The following EPN1 variants were observed in gnomAD, a reference collection of about 807,000 sequenced individuals.
The protein encoded by EPN1 is epsin 1.
EPN1 carries 25 observed loss-of-function variants against 56.9 expected under a neutral mutation model. The observed-to-expected ratio is 0.44, with a 90% CI of 0.32 to 0.61. The LOEUF (loss-of-function observed/expected upper bound fraction) is 0.61. Ranked by LOEUF, EPN1 falls within the 20% of genes least tolerant of loss-of-function variation. The probability of loss-of-function intolerance (pLI) is 0.05; values close to 1 mark genes in which losing one functional copy is unlikely to be tolerated. For missense variants in EPN1, 785 were observed against 823.7 expected (o/e 0.95, Z 0.58); for synonymous variants, 411 against 361.8 (o/e 1.14, Z -1.54).
In EPN1 at chr19:55,696,339, G is replaced by A. The variant is rs1053950252; in HGVS notation, c.*983G>A. The A allele has an allele frequency of 2.0e-5, 3 of 152,392 alleles. No homozygotes were observed. The highest frequency in any genetic ancestry group is 4.4e-5 in the Non-Finnish European group (3 of 68,210). The allele number at this position is 152,392 out of a possible 1,614,324, so 9.4% of individuals were successfully genotyped here. On this transcript the variant is annotated 3_prime_UTR_variant, in exon 11 of 11. Transcript: ENST00000270460. ...AGAATCCTCGGGCCGCCTTGTGAGG[G>A]GGGTGTTGCTGTCATCTCCAGGGCT...
Position 55,708,906 on chromosome 19 carries a change from T to G in EPN1, c.*13550T>G. 6.5e-7 allele frequency: 1 copy of G among 1,533,048 alleles called. No homozygotes were observed. The highest frequency in any genetic ancestry group is 8.7e-7 in the Non-Finnish European group (1 of 1,148,474). 95.0% of individuals were successfully genotyped at this position (1,533,048 alleles called of 1,614,324 possible). A position where few individuals can be genotyped will look rare whatever the true frequency, so the allele number is the denominator to read the frequency against. On this transcript the variant is annotated 3_prime_UTR_variant, in exon 11 of 11. Coordinates refer to ENST00000270460, the MANE Select transcript of EPN1 (RefSeq NM_001130072.2). Reference sequence around the variant, plus strand: ...TTGTGAGACGACTACTTCAGGGTGTTCCCCATCAGAGGAGCACACCCCTGA... The same window carrying G: ...TTGTGAGACGACTACTTCAGGGTGTGCCCCATCAGAGGAGCACACCCCTGA...
chr19:55,691,951 C>T lies in EPN1; in HGVS notation c.960C>T (p.Pro320=). 6.5e-7 allele frequency: 1 copy of T among 1,528,392 alleles called. No individual in the cohort carries two copies. The highest frequency in any genetic ancestry group is 1.3e-5 in the South Asian group (1 of 79,988). The allele number at this position is 1,528,392 out of a possible 1,614,324, so 94.7% of individuals were successfully genotyped here. A position where few individuals can be genotyped will look rare whatever the true frequency, so the allele number is the denominator to read the frequency against. Residue 320 remains proline (P), a synonymous_variant, in exon 7 of 11, where the codon CCC becomes CCT. Coordinates refer to ENST00000270460, the MANE Select transcript of EPN1 (RefSeq NM_001130072.2). This position sits in a 1 kb window ranked among gnomAD's most constrained non-coding sequence, Gnocchi z 5.6. ...CCCCCACGCCGGCCTCTGGGGACCC[C>T]TGGAGGCCTGCTGCCCCTGCAGGAC... ...GPAPTPASGD[P]WRPAAPAGPS... is the part of the protein sequence containing the mutation.
chr19:55,697,847 T>TG lies in EPN1; in HGVS notation c.*2491_*2492insG, dbSNP rs1431454380. ...CCTGCTGTTGTCCCCGATTGAGGGCTCCCCCCACTGTGTGTGTATCACTCT... is the reference window on the plus strand; with the variant it reads ...CCTGCTGTTGTCCCCGATTGAGGGCTGCCCCCCACTGTGTGTGTATCACTCT... On this transcript the variant is annotated 3_prime_UTR_variant, in exon 11 of 11. Transcript: ENST00000270460. The TG allele has an allele frequency of 6.6e-6, 1 of 151,864 alleles. No individual in the cohort carries two copies. The highest frequency in any genetic ancestry group is 1.5e-5 in the Non-Finnish European group (1 of 67,976). 9.4% of individuals were successfully genotyped at this position (151,864 alleles called of 1,614,324 possible). A position where few individuals can be genotyped will look rare whatever the true frequency, so the allele number is the denominator to read the frequency against.
Position 55,695,793 on chromosome 19 carries a change from G to T in EPN1, c.*437G>T. 6.0e-6 allele frequency: 1 copy of T among 165,408 alleles called. No homozygotes were observed. Among genetic ancestry groups the T allele is most frequent in the South Asian group, 1.7e-4 (1 of 5,808 alleles). 10.2% of individuals were successfully genotyped at this position (165,408 alleles called of 1,614,324 possible). A position where few individuals can be genotyped will look rare whatever the true frequency, so the allele number is the denominator to read the frequency against. ...CTCCCAGATTCCCATCTGTGATTTC[G>T]TGTGTCCCCCAGAGCCCCTTCATCC... On this transcript the variant is annotated 3_prime_UTR_variant, in exon 11 of 11. Coordinates refer to ENST00000270460, the MANE Select transcript of EPN1 (RefSeq NM_001130072.2). This position sits in a 1 kb window ranked among gnomAD's most constrained non-coding sequence, Gnocchi z 4.4.
chr19:55,692,265 G>A (rs532737303), intron 7 of EPN1, among the ~76,000 whole-genome samples: 1 of 152,086 alleles, frequency 6.6e-6, no homozygotes, highest in South Asian at 2.1e-4. Flanking sequence ...TGGGGGGTGT[G>A]CTGTGGGGAG....
chr19:55,689,768 C>T lies in EPN1; in HGVS notation c.679-99C>T, dbSNP rs535468920. On this transcript the variant is annotated intron_variant, in intron 5 of 10. Transcript: ENST00000270460. This position sits in a 1 kb window ranked among gnomAD's most constrained non-coding sequence, Gnocchi z 5.7. ...TCCCATCGAATCCTTCAGCCGCTTT[C>T]GTTGGGGTGGGAGGGGTTGCTGGGG... 24 of 1,105,678 alleles carry T rather than the reference C, an allele frequency of 2.2e-5. No individual in the cohort carries two copies. Among genetic ancestry groups the T allele is most frequent in the East Asian group, 5.1e-5 (2 of 38,994 alleles). The allele number at this position is 1,105,678 out of a possible 1,614,324, so 68.5% of individuals were successfully genotyped here.
intron 1 of EPN1, among the ~76,000 whole-genome samples, chr19:55,675,957 C>T (rs1985384680): frequency 6.6e-6 from 1 of 152,166 alleles, no homozygotes; most frequent in Non-Finnish European, 1.5e-5. Flanking sequence ...CTAGAATCTG[C>T]CCCTTTTCCC....
chr19:55,694,759 C>T lies in EPN1; in HGVS notation c.1298C>T (p.Ala433Val), dbSNP rs1239731672. The change falls in exon 10 of 11, where the codon GCC becomes GTC. Residue 433 changes from alanine (A) to valine (V), a missense_variant. Physicochemically the swap from Ala to Val is moderately conservative, Grantham distance 64. Around this residue, in one of 2 missense-constraint regions of EPN1, gnomAD observed 650 missense variants for 605.0 expected, o/e 1.07. Coordinates refer to ENST00000270460, the MANE Select transcript of EPN1 (RefSeq NM_001130072.2). The surrounding 1 kb of genome is among the most constrained non-coding windows in gnomAD (Gnocchi z 4.2). ...GAGCTGCTGGCAGGAGAGGTGCCGGCCCGAAGCCCTGGGGCGTTTGACATG... is the reference window on the plus strand; with the variant it reads ...GAGCTGCTGGCAGGAGAGGTGCCGGTCCGAAGCCCTGGGGCGTTTGACATG... The part of the protein sequence containing the change: ...ELELLAGEVP[A>V]RSPGAFDMSG... 6.3e-7 allele frequency: 1 copy of T among 1,591,172 alleles called. No homozygotes were observed. Among genetic ancestry groups the T allele is most frequent in the Non-Finnish European group, 8.6e-7 (1 of 1,166,300 alleles).
chr19:55,677,088 C>T (rs752003829), intron 1 of EPN1: 51 of 1,536,170 alleles, frequency 3.3e-5, no homozygotes, highest in Non-Finnish European at 4.2e-5. Flanking sequence ...AGGCCAGCCT[C>T]TCTCCGTCAT....
chr19:55,677,606 A>G, intron 1 of EPN1: 1 of 1,551,422 alleles, frequency 6.4e-7, no homozygotes, highest in Non-Finnish European at 8.7e-7. Context: ...GTGCTGAGCG[A>G]GCACCTGGCA....
intron 2 of EPN1, 36 bp from the exon 3 acceptor site, chr19:55,685,360 G>T (rs766718855): frequency 6.3e-7 from 1 of 1,594,294 alleles, no homozygotes. Flanking sequence ...CCTTGTGCCC[G>T]GCGTGCTGAC....
rs369751016 is a variant in EPN1 at position 55,675,894 on chromosome 19, A to G, written c.-102+459A>G. 5.3e-4 allele frequency among the ~76,000 whole-genome samples: 80 copies of G among 152,054 alleles called. 2 individuals carry two copies. Among genetic ancestry groups the G allele is most frequent in the African/African-American group, 1.9e-3 (77 of 41,446 alleles). On this transcript the variant is annotated intron_variant, in intron 1 of 10. Coordinates refer to ENST00000270460, the MANE Select transcript of EPN1 (RefSeq NM_001130072.2). ...GTCTTCGCATCTGAGTTTTGCCCCC[A>G]TACCTATCACCTCCAATCCTGAAGT...
chr19:55,687,794 C>T (rs2122194621), intron 3 of EPN1, among the ~76,000 whole-genome samples: 1 of 152,340 alleles, frequency 6.6e-6, no homozygotes. Flanking sequence ...CTCTGCCACC[C>T]ACATGCTCCC....
chr19:55,693,280 G>A (rs576918470), intron 9 of EPN1: 220 of 511,270 alleles, frequency 4.3e-4, no homozygotes, highest in Non-Finnish European at 6.5e-4. Context: ...TTTCCCACCC[G>A]AATGTTGACC....
chr19:55,689,471 A>C lies in EPN1; in HGVS notation c.678+100A>C. 2.2e-6 allele frequency: 2 copies of C among 890,828 alleles called. No homozygotes were observed. Among genetic ancestry groups the C allele is most frequent in the Non-Finnish European group, 3.6e-6 (2 of 556,780 alleles). 55.2% of individuals were successfully genotyped at this position (890,828 alleles called of 1,614,324 possible). ...ACCCCCCACCATCCTGCTGGGCCCG[A>C]AGCCCACAGGCTCACGCGTGTTGAA... On this transcript the variant is annotated intron_variant, in intron 5 of 10. Transcript: ENST00000270460. This position sits in a 1 kb window ranked among gnomAD's most constrained non-coding sequence, Gnocchi z 5.7.
At chr19:55,685,026 A>G (rs1187205230) in intron 2 of EPN1, among the ~76,000 whole-genome samples, 1 of 152,228 alleles carries the variant, frequency 6.6e-6, no homozygotes, top group Admixed American at 6.5e-5. Flanking sequence ...AGGAAAACCC[A>G]TAGCCTTCAG....
Position 55,692,576 on chromosome 19 carries a change from G to A in EPN1, c.1067-110G>A, listed in dbSNP as rs527483194. 1.0e-3 allele frequency: 709 copies of A among 685,504 alleles called. 1 individual carries two copies. Among genetic ancestry groups the A allele is most frequent in the Non-Finnish European group, 1.4e-3 (587 of 423,002 alleles). The allele number at this position is 685,504 out of a possible 1,614,324, so 42.5% of individuals were successfully genotyped here. A position where few individuals can be genotyped will look rare whatever the true frequency, so the allele number is the denominator to read the frequency against. ...AGGCCGGGTGGGGTGGGTTTCTGGG[G>A]GGCAGGGGGGCTTTTGTGTGAACAG... On this transcript the variant is annotated intron_variant, in intron 7 of 10. Coordinates refer to ENST00000270460, the MANE Select transcript of EPN1 (RefSeq NM_001130072.2).
At position 55,696,487 on chromosome 19, in the gene EPN1, A is replaced by T. The variant is rs950712803; in HGVS notation, c.*1131A>T. ...TCTCCCTCCGTGATCCCCTGGGGTC[A>T]AGTCCTGACGGCTGGGTTCGCTCCC... On this transcript the variant is annotated 3_prime_UTR_variant, in exon 11 of 11. Coordinates refer to ENST00000270460, the MANE Select transcript of EPN1 (RefSeq NM_001130072.2). The T allele has an allele frequency of 2.0e-5, 3 of 152,416 alleles. No individual in the cohort carries two copies. In the South Asian group the frequency reaches 6.2e-4, roughly 32 times the overall value. 9.4% of individuals were successfully genotyped at this position (152,416 alleles called of 1,614,324 possible).
intron 1 of EPN1, chr19:55,677,829 C>T (rs1193082736): frequency 7.2e-7 from 1 of 1,396,008 alleles, no homozygotes; most frequent in Non-Finnish European, 9.4e-7. Context: ...CCCCCTCTGC[C>T]CTTGTTCCAG....
Sources: allele counts gnomAD v4.1 joint callset (sites outside exome capture counted in the v4.1 genomes callset), GRCh38; gene constraint gnomAD v4.1.1; regional missense constraint gnomAD v4.1.1; non-coding constraint Gnocchi (gnomAD v3.1); transcripts MANE v1.5; gene names NCBI Gene and HGNC (gene_info 2026-07-23, HGNC 2026-07-21).